Variants in ZFAT observed in about 807,000 individuals in gnomAD.
ZFAT encodes the protein zinc finger protein ZFAT.
ZFAT carries 64 observed loss-of-function variants against 117.7 expected under a neutral mutation model. The observed-to-expected ratio is 0.54, with a 90% CI of 0.44 to 0.67. ZFAT has a LOEUF of 0.67. Ranked by LOEUF, ZFAT falls within the 30% of genes least tolerant of loss-of-function variation. ZFAT has a pLI of 0.00. For missense variants in ZFAT, 1,433 were observed against 1,584.5 expected, an observed-to-expected ratio of 0.90 and a Z score of 1.62; for synonymous variants, 679 against 615.0, an observed-to-expected ratio of 1.10 and a Z score of -1.54.
intron 2 of ZFAT, among the ~76,000 whole-genome samples, chr8:134,653,269 T>TAAAAAAAAAA (rs1441852865): frequency 1.6e-4 from 16 of 99,160 alleles, no homozygotes; most frequent in African/African-American, 5.3e-4. Flanking sequence ...AATGTCTTTT[T>TAAAAAAAAAA]TAAAAAAAAA....
rs760117294 is a variant in ZFAT at position 134,602,548 on chromosome 8, G to C, written c.1171C>G (p.Leu391Val). 70 of 1,613,900 alleles carry C rather than the reference G, an allele frequency of 4.3e-5. No homozygotes were observed. Among genetic ancestry groups the C allele is most frequent in the Non-Finnish European group, 5.8e-5 (68 of 1,180,046 alleles). Residue 391 changes from leucine (L) to valine (V), a missense_variant, in exon 6 of 16, where the codon CTC becomes GTC. This residue lies in a region of ZFAT where 73 missense variants were observed against 122.0 expected (regional missense o/e 0.60). Coordinates refer to ENST00000377838, the MANE Select transcript of ZFAT (RefSeq NM_020863.4). ...TTGCCCTCCCTCGTCATCAGGCAGA[G>C]CTCGTCCAAGGCCTCTTTGACCTTC... is the stretch of plus-strand genomic sequence containing the variant. The part of the protein sequence containing the change: ...DKKVKEALDE[L>V]CLMTREGKRQ...
At chr8:134,625,444 G>T (rs1215176534) in intron 3 of ZFAT, among the ~76,000 whole-genome samples, 1 of 152,208 alleles carries the variant, frequency 6.6e-6, no homozygotes, top group Non-Finnish European at 1.5e-5. Context: ...CAGAGATGGA[G>T]TTCAGGGCTA....
rs143189673 is a variant in ZFAT, at chr8:134,513,955, C to A, written c.3235-1354G>T. Among the ~76,000 whole-genome samples the A allele has an allele frequency of 1.8e-4, 27 of 152,324 alleles. No individual in the cohort carries two copies. In the East Asian group the frequency reaches 5.0e-3, roughly 28 times the overall value. ...TTTTGTTCTCAGTACCATGAGGCAACAGATTAGCCGACAGTAGATCCAGGC... is the reference window on the plus strand; with the variant it reads ...TTTTGTTCTCAGTACCATGAGGCAAAAGATTAGCCGACAGTAGATCCAGGC... On this transcript the variant is annotated intron_variant, in intron 13 of 15. Coordinates refer to ENST00000377838, the MANE Select transcript of ZFAT (RefSeq NM_020863.4).
rs368100075 is a variant in ZFAT, at chr8:134,504,015, A to G, written c.3492+5604T>C. Among the ~76,000 whole-genome samples the G allele has an allele frequency of 7.7e-4, 117 of 152,278 alleles. 1 individual carries two copies. The South Asian group carries it at 0.011, about 15-fold the overall frequency. ...TGACAAACACAACGTATTTCTTATC[A>G]GGTCTCAGTAAAGCAGGAATGGTGG... On this transcript the variant is annotated intron_variant, in intron 15 of 15. Coordinates refer to ENST00000377838, the MANE Select transcript of ZFAT (RefSeq NM_020863.4).
At chr8:134,532,572 G>A (rs1821501177) in intron 12 of ZFAT, among the ~76,000 whole-genome samples, 1 of 152,208 alleles carries the variant, frequency 6.6e-6, no homozygotes, top group South Asian at 2.1e-4. Context: ...GCATTGTGGA[G>A]GGTAGTAGAA....
chr8:134,831,295 G>A, the ZFAT span, among the ~76,000 whole-genome samples: 1 of 152,208 alleles, frequency 6.6e-6, no homozygotes, highest in Non-Finnish European at 1.5e-5. Context: ...CAGGATTAAT[G>A]TATTTCCTGC....
At position 134,667,623 on chromosome 8, in the gene ZFAT, G is replaced by C. The variant is rs1010828553; in HGVS notation, c.20-9886C>G. 2.0e-4 allele frequency among the ~76,000 whole-genome samples: 30 copies of C among 151,846 alleles called. No homozygotes were observed. The East Asian group carries it at 2.3e-3, about 12-fold the overall frequency. The stretch of plus-strand genomic sequence containing the variant: ...TAAAAGTAAAATAAAAAAAAAAAGA[G>C]GGGGGCAGCTCCAAGATAGCTGAAT... On this transcript the variant is annotated intron_variant, in intron 1 of 15. Coordinates refer to ENST00000377838, the MANE Select transcript of ZFAT (RefSeq NM_020863.4).
At chr8:134,519,362 T>C (rs1231008551) in intron 13 of ZFAT, among the ~76,000 whole-genome samples, 1 of 152,212 alleles carries the variant, frequency 6.6e-6, no homozygotes, top group Non-Finnish European at 1.5e-5. Flanking sequence ...GGTTTATGCC[T>C]AGATTTATCT....
chr8:134,510,567 G>A (rs1819750568), intron 14 of ZFAT: 1 of 169,400 alleles, frequency 5.9e-6, no homozygotes, highest in Non-Finnish European at 1.3e-5. Flanking sequence ...CAAGCCAGTG[G>A]CTGAGGCAGT....
At chr8:134,747,567 T>G in the ZFAT span, among the ~76,000 whole-genome samples, 5 of 152,248 alleles carry the variant, frequency 3.3e-5, no homozygotes, top group Non-Finnish European at 7.3e-5. Flanking sequence ...CTCTAACTAC[T>G]ATTATTTATT....
At chr8:134,501,046 A>G (rs939955849) in intron 15 of ZFAT, among the ~76,000 whole-genome samples, 3 of 152,242 alleles carry the variant, frequency 2.0e-5, no homozygotes, top group African/African-American at 7.2e-5. Context: ...GGTTGTCATT[A>G]CAGTAAGGGC....
At position 134,650,981 on chromosome 8, in the gene ZFAT, C is replaced by T. The variant is rs1168130027; in HGVS notation, c.196+6580G>A. ...GCAAACCAAAACCACAATGAAATAC[C>T]AGTTCACATTCACTGGGATGGGTAC... On this transcript the variant is annotated intron_variant, in intron 2 of 15. Coordinates refer to ENST00000377838, the MANE Select transcript of ZFAT (RefSeq NM_020863.4). 2.6e-5 allele frequency among the ~76,000 whole-genome samples: 4 copies of T among 152,142 alleles called. No homozygotes were observed. In the East Asian group the frequency reaches 7.7e-4, roughly 29 times the overall value.
chr8:134,500,473 C>G (rs1818889361), intron 15 of ZFAT, among the ~76,000 whole-genome samples: 1 of 152,146 alleles, frequency 6.6e-6, no homozygotes, highest in Non-Finnish European at 1.5e-5. Flanking sequence ...CCTTTGTTCT[C>G]TATGTTTTCA....
At chr8:134,557,593 A>G (rs1037988961) in intron 11 of ZFAT, among the ~76,000 whole-genome samples, 33 of 152,216 alleles carry the variant, frequency 2.2e-4, no homozygotes, top group African/African-American at 7.7e-4. Context: ...TTTTTCTATA[A>G]ATCTACAACT....
the ZFAT span, among the ~76,000 whole-genome samples, chr8:134,782,188 A>G: frequency 6.6e-6 from 1 of 152,240 alleles, no homozygotes; most frequent in Non-Finnish European, 1.5e-5. Context: ...TAAAAGAGGT[A>G]GCTGTGCATT....
rs1375071445 is a variant in ZFAT, at chr8:134,712,725, G to A, written c.19+120C>T. The A allele has an allele frequency of 1.1e-4, 86 of 750,534 alleles. 3 individuals are homozygous for A. The South Asian group carries it at 1.7e-3, about 15-fold the overall frequency. The allele number at this position is 750,534 out of a possible 1,614,324, so 46.5% of individuals were successfully genotyped here. A position where few individuals can be genotyped will look rare whatever the true frequency, so the allele number is the denominator to read the frequency against. The stretch of plus-strand genomic sequence containing the variant: ...CCCAGACCCGGATCCCTCCGCGGCC[G>A]GCGGCCGGCGGCCGGCGGCCGGCGC... On this transcript the variant is annotated intron_variant, in intron 1 of 15. Coordinates refer to ENST00000377838, the MANE Select transcript of ZFAT (RefSeq NM_020863.4).
At chr8:134,706,753 G>A (rs1387011916) in intron 1 of ZFAT, among the ~76,000 whole-genome samples, 2 of 152,064 alleles carry the variant, frequency 1.3e-5, no homozygotes, top group Non-Finnish European at 2.9e-5. Flanking sequence ...GGATGGGATA[G>A]TAAGGGGCAA....
the ZFAT span, among the ~76,000 whole-genome samples, chr8:134,807,830 A>C: frequency 1.3e-5 from 2 of 151,586 alleles, no homozygotes; most frequent in Non-Finnish European, 2.9e-5. Flanking sequence ...AATAGAGCAG[A>C]GACAAAAAGA....
At chr8:134,810,051 C>T in the ZFAT span, among the ~76,000 whole-genome samples, 5 of 152,188 alleles carry the variant, frequency 3.3e-5, no homozygotes, top group Non-Finnish European at 7.3e-5. Context: ...ATCCTAAACT[C>T]TGCTTTAGAG....
Sources: gnomAD v4.1 joint callset for allele counts (sites outside exome capture counted in the v4.1 genomes callset) on GRCh38, gnomAD v4.1.1 for gene constraint, gnomAD v4.1.1 regional missense constraint, MANE v1.5 for transcripts, NCBI Gene and HGNC (gene_info 2026-07-23, HGNC 2026-07-21) for gene names.